GLB1: variants seen among roughly 807,000 people sequenced by gnomAD.
GLB1 encodes the protein beta-galactosidase.
GLB1 carries 56 observed loss-of-function variants against 74.0 expected under a neutral mutation model. The observed-to-expected ratio is 0.76, with a 90% CI of 0.61 to 0.94. GLB1 has a LOEUF of 0.94. Among genes scored for constraint, GLB1 ranks in the 40% least tolerant of loss-of-function variants. The pLI is 0.00. For missense variants in GLB1, 787 were observed against 845.5 expected, an observed-to-expected ratio of 0.93 and a Z score of 0.86; for synonymous variants, 323 against 323.6, an observed-to-expected ratio of 1.00 and a Z score of 0.02.
downstream of GLB1, among the ~76,000 whole-genome samples, chr3:32,995,343 T>A (rs943504097): frequency 6.6e-6 from 1 of 152,052 alleles, no homozygotes; most frequent in Non-Finnish European, 1.5e-5. Flanking sequence ...TTGGCCATGG[T>A]TCTTGAGTAT....
chr3:33,066,853 C>T (rs758242141), intron 4 of GLB1, among the ~76,000 whole-genome samples: 6 of 152,044 alleles, frequency 3.9e-5, no homozygotes, highest in African/African-American at 9.7e-5. Flanking sequence ...ATATGCTAAG[C>T]GTGCAAAACA....
chr3:33,000,175 G>C (rs1381484366), intron 15 of GLB1, among the ~76,000 whole-genome samples: 2 of 151,906 alleles, frequency 1.3e-5, no homozygotes, highest in Non-Finnish European at 2.9e-5. Context: ...CTGGTCTCAA[G>C]TGATCCTCCC....
chr3:33,090,949 A>G lies in GLB1; in HGVS notation c.75+6062T>C, dbSNP rs147454856. 20 of 985,438 alleles carry G rather than the reference A, an allele frequency of 2.0e-5. No individual in the cohort carries two copies. The East Asian group carries it at 1.8e-3, about 89-fold the overall frequency. The allele number at this position is 985,438 out of a possible 1,614,324, so 61.0% of individuals were successfully genotyped here. ...ATTAAAAAAAAAATAGGACTTAATG[A>G]AAGCTAATTTCATCAAGCCCAGGTC... On this transcript the variant is annotated intron_variant, in intron 1 of 15. Coordinates refer to ENST00000307363, the MANE Select transcript of GLB1 (RefSeq NM_000404.4).
chr3:32,995,939 A>T (rs1696301147), downstream of GLB1, among the ~76,000 whole-genome samples: 1 of 152,116 alleles, frequency 6.6e-6, no homozygotes, highest in Non-Finnish European at 1.5e-5. Flanking sequence ...TAGCATCCAG[A>T]TATAAGTATA....
At chr3:33,050,448 T>C (rs1373227082) in intron 9 of GLB1, among the ~76,000 whole-genome samples, 2 of 152,246 alleles carry the variant, frequency 1.3e-5, no homozygotes, top group Non-Finnish European at 2.9e-5. Flanking sequence ...AAGGGAATAC[T>C]ATTCAGCAAT....
intron 5 of GLB1, among the ~76,000 whole-genome samples, chr3:33,061,886 C>T (rs1396556895): frequency 6.6e-6 from 1 of 152,194 alleles, no homozygotes; most frequent in Non-Finnish European, 1.5e-5. Context: ...AAAAGAGAAA[C>T]ATCTGCATAT....
chr3:33,090,713 A>C, intron 1 of GLB1: 1 of 985,422 alleles, frequency 1.0e-6, no homozygotes, highest in Non-Finnish European at 1.2e-6. Flanking sequence ...AGTGATGGAG[A>C]AATTTCTGCT....
At chr3:33,067,926 C>T (rs1172282642) in intron 4 of GLB1, among the ~76,000 whole-genome samples, 1 of 152,162 alleles carries the variant, frequency 6.6e-6, no homozygotes, top group Non-Finnish European at 1.5e-5. Context: ...CGCTTTGTCA[C>T]CCAGGCTATA....
chr3:33,056,181 C>T (rs1575457269), intron 6 of GLB1, among the ~76,000 whole-genome samples: 1 of 121,700 alleles, frequency 8.2e-6, no homozygotes. Context: ...AAGCCAGGAT[C>T]GGGTCGTTGC....
chr3:32,992,657 T>C (rs1696245146), downstream of GLB1, among the ~76,000 whole-genome samples: 1 of 152,182 alleles, frequency 6.6e-6, no homozygotes, highest in Non-Finnish European at 1.5e-5. Flanking sequence ...TGGGTTTCTG[T>C]CCTCAAAGCC....
intron 14 of GLB1, among the ~76,000 whole-genome samples, chr3:33,015,440 C>G (rs79659310): frequency 0.021 from 3,207 of 152,302 alleles, 120 homozygotes; most frequent in African/African-American, 0.073. Context: ...TTGTTCCACA[C>G]AGGCCAGGGC....
chr3:33,017,139 G>C (rs1454742658), intron 13 of GLB1, among the ~76,000 whole-genome samples: 4 of 152,150 alleles, frequency 2.6e-5, no homozygotes, highest in African/African-American at 9.7e-5. Flanking sequence ...AATTCCAGGG[G>C]AGGATTCTTA....
intron 1 of GLB1, 72 bp downstream of exon 1, chr3:33,096,923 GGACCGCGGGTGGCTGC>G: frequency 6.5e-7 from 1 of 1,542,570 alleles, no homozygotes; most frequent in Non-Finnish European, 8.7e-7. Flanking sequence ...CCGCCCTGCG[GGACCGCGGGTGGCTGC>G]GACCCCAGCC....
chr3:33,068,781 T>TCA (rs1293421488), intron 3 of GLB1, 39 bp downstream of exon 3: 1 of 1,612,804 alleles, frequency 6.2e-7, no homozygotes, highest in Non-Finnish European at 8.5e-7. Flanking sequence ...GCCTGCCAGC[T>TCA]CACACACACC....
Position 32,997,354 on chromosome 3 carries a change from G to C in GLB1, c.1735-10C>G, listed in dbSNP as rs766907320. 2.1e-5 allele frequency: 34 copies of C among 1,612,228 alleles called. 1 individual carries two copies. In the Middle Eastern group the frequency reaches 8.4e-4, roughly 40 times the overall value. ...TAATCCAGACCTGGCCCTGGAGAGA[G>C]AGAGACAGAGAACCATCAACCCCAG... On this transcript the variant is annotated splice_polypyrimidine_tract_variant and intron_variant, in intron 15 of 15. Coordinates refer to ENST00000307363, the MANE Select transcript of GLB1 (RefSeq NM_000404.4).
At chr3:33,034,238 G>A (rs1481855562) in intron 10 of GLB1, 1 of 667,082 alleles carries the variant, frequency 1.5e-6, no homozygotes, top group East Asian at 2.7e-5. Context: ...TAGGAGCTCA[G>A]ATGGGGCCAT....
intron 1 of GLB1, among the ~76,000 whole-genome samples, chr3:33,077,678 T>C (rs934603445): frequency 2.6e-5 from 3 of 116,292 alleles, no homozygotes; most frequent in Admixed American, 9.4e-5. Flanking sequence ...TGCACAAGTA[T>C]ATTACTTTTT....
chr3:33,067,000 TTC>T (rs1255700651), intron 4 of GLB1, among the ~76,000 whole-genome samples: 21 of 85,748 alleles, frequency 2.4e-4, no homozygotes, highest in Non-Finnish European at 1.8e-4. Context: ...TTGTTTTTAT[TTC>T]TTTTTTTTTT....
At chr3:33,051,635 A>G in intron 9 of GLB1, 123 bp downstream of exon 9, 4 of 1,380,794 alleles carry the variant, frequency 2.9e-6, no homozygotes, top group Non-Finnish European at 2.0e-6. Context: ...AGAAAAAAAA[A>G]GAAAATTTAG....
Sources: allele counts gnomAD v4.1 joint callset (sites outside exome capture counted in the v4.1 genomes callset), GRCh38; gene constraint gnomAD v4.1.1; transcripts MANE v1.5; gene names NCBI Gene and HGNC (gene_info 2026-07-23, HGNC 2026-07-21).